The following ZFHX4 variants were observed in gnomAD, a reference collection of about 807,000 sequenced individuals.
ZFHX4 encodes the protein zinc finger homeobox protein 4.
In ZFHX4, 56 loss-of-function variants were observed where a neutral mutation model predicts 267.6. That is an observed-to-expected ratio of 0.21 (90% CI 0.17 to 0.26). The LOEUF is 0.26. Among genes scored for constraint, ZFHX4 ranks in the 10% least tolerant of loss-of-function variants. The probability of loss-of-function intolerance (pLI) is 1.00; values close to 1 mark genes in which losing one functional copy is unlikely to be tolerated. For synonymous variants in ZFHX4, 1,778 were observed against 1,665.6 expected (o/e 1.07, Z -1.64); for missense variants, 4,332 against 4,420.0 (o/e 0.98, Z 0.56).
At chr8:76,754,694 TG>T (rs1809717771) in intron 3 of ZFHX4, among the ~76,000 whole-genome samples, 1 of 152,212 alleles carries the variant, frequency 6.6e-6, no homozygotes, top group Non-Finnish European at 1.5e-5. Context: ...CATTTATTTG[TG>T]TTGAGAACGT....
chr8:76,795,577 G>T (rs939657920), intron 4 of ZFHX4, among the ~76,000 whole-genome samples: 2 of 129,400 alleles, frequency 1.5e-5, no homozygotes, highest in Non-Finnish European at 3.1e-5. Context: ...ACGGAGTTTC[G>T]CTCTTATTGC....
chr8:76,866,324 C>CAA lies in ZFHX4; in HGVS notation c.*1761_*1762dup, dbSNP rs1419001718. 1 of 152,460 alleles carries CAA rather than the reference C, an allele frequency of 6.6e-6. No homozygotes were observed. The highest frequency in any genetic ancestry group is 2.4e-5 in the African/African-American group (1 of 41,452). 9.4% of individuals were successfully genotyped at this position (152,460 alleles called of 1,614,324 possible). A position where few individuals can be genotyped will look rare whatever the true frequency, so the allele number is the denominator to read the frequency against. On this transcript the variant is annotated 3_prime_UTR_variant, in exon 11 of 11. Coordinates refer to ENST00000651372, the MANE Select transcript of ZFHX4 (RefSeq NM_024721.5). ...TGACAGTTTAACTCAAGTCATGCTT[C>CAA]AAACTGTTTTAATGATCAAATCAAG...
rs60592064 is a variant in ZFHX4, at chr8:76,780,057, T to TAA, written c.3325+1628_3325+1629dup. 7.2e-3 allele frequency among the ~76,000 whole-genome samples: 1,066 copies of TAA among 147,608 alleles called. 14 individuals carry two copies. Among genetic ancestry groups the TAA allele is most frequent in the African/African-American group, 0.025 (997 of 40,582 alleles). The stretch of plus-strand genomic sequence containing the variant: ...ATCCACCAAGGATAAAAAGTAAAAT[T>TAA]AAAAAAAAAAACACAAAAGCATGGT... On this transcript the variant is annotated intron_variant, in intron 4 of 10. Coordinates refer to ENST00000651372, the MANE Select transcript of ZFHX4 (RefSeq NM_024721.5).
intron 4 of ZFHX4, among the ~76,000 whole-genome samples, chr8:76,823,077 C>T (rs1295747218): frequency 6.6e-6 from 1 of 151,290 alleles, no homozygotes; most frequent in African/African-American, 2.4e-5. Context: ...CCTTTCTCTA[C>T]AATTTCTTCC....
intron 1 of ZFHX4, among the ~76,000 whole-genome samples, chr8:76,692,841 A>G (rs1807858448): frequency 6.6e-6 from 1 of 152,110 alleles, no homozygotes; most frequent in South Asian, 2.1e-4. Context: ...TTTAATATTT[A>G]TATATGTTTG....
Position 76,856,002 on chromosome 8 carries a change from C to T in ZFHX4, c.9081C>T (p.Phe3027=), listed in dbSNP as rs747567593. 5.1e-5 allele frequency: 83 copies of T among 1,613,980 alleles called. No individual in the cohort carries two copies. The Middle Eastern group carries it at 1.5e-3, about 29-fold the overall frequency. The change falls in exon 10 of 11, where the codon TTC becomes TTT. Residue 3027 remains phenylalanine, a synonymous_variant. Transcript: ENST00000651372. The part of the protein sequence containing the change: ...SARLSIRDHI[F]SKQHISKVRE... ...GCTTGTCCATCAGAGATCACATTTT[C>T]TCCAAACAGCACATTTCAAAAGTGA...
At chr8:76,838,537 G>A (rs774904578) in intron 5 of ZFHX4, among the ~76,000 whole-genome samples, 2 of 152,264 alleles carry the variant, frequency 1.3e-5, no homozygotes, top group South Asian at 4.2e-4. Context: ...GGATAGATTT[G>A]AGTGGGGCAT....
Position 76,856,267 on chromosome 8 carries a change from T to A in ZFHX4, c.9346T>A (p.Ser3116Thr), listed in dbSNP as rs1402599033. 1.5e-5 allele frequency: 25 copies of A among 1,613,792 alleles called. No homozygotes were observed. Among genetic ancestry groups the A allele is most frequent in the Non-Finnish European group, 2.1e-5 (25 of 1,179,868 alleles). The change falls in exon 10 of 11, where the codon TCC (serine) becomes ACC (threonine). Residue 3116 changes from serine to threonine, a missense_variant. By Grantham distance (58) the Ser-to-Thr change is moderately conservative (BLOSUM62 1). Coordinates refer to ENST00000651372, the MANE Select transcript of ZFHX4 (RefSeq NM_024721.5). ...CCTTCTCCCCGGAATGAACGGTCCA[T>A]CCTCCTTGCCGGGATTTCCACAAAA... ...PVLLPGMNGP[S>T]SLPGFPQNSN...
chr8:76,762,594 C>T (rs894409278), intron 3 of ZFHX4, among the ~76,000 whole-genome samples: 1 of 152,102 alleles, frequency 6.6e-6, no homozygotes, highest in East Asian at 1.9e-4. Context: ...CTAAAGTGTG[C>T]TACCCCAAAT....
chr8:76,798,922 C>T lies in ZFHX4; in HGVS notation c.3325+20483C>T, dbSNP rs76066655. On this transcript the variant is annotated intron_variant, in intron 4 of 10. Coordinates refer to ENST00000651372, the MANE Select transcript of ZFHX4 (RefSeq NM_024721.5). ...AGAGCAAATGCATTTGCATCATCCA[C>T]TCCTTTCTATCCTTTTGCCTGCAGA... Among the ~76,000 whole-genome samples the T allele has an allele frequency of 4.7e-3, 723 of 152,264 alleles. 8 individuals are homozygous for T. Among genetic ancestry groups the T allele is most frequent in the African/African-American group, 0.015 (608 of 41,552 alleles).
Position 76,853,130 on chromosome 8 carries a change from C to A in ZFHX4, c.6209C>A (p.Pro2070Gln), listed in dbSNP as rs534760071. 6.7e-7 allele frequency: 1 copy of A among 1,497,794 alleles called. No individual in the cohort carries two copies. The highest frequency in any genetic ancestry group is 8.9e-7 in the Non-Finnish European group (1 of 1,118,954). 92.8% of individuals were successfully genotyped at this position (1,497,794 alleles called of 1,614,324 possible). Residue 2070 changes from proline (P) to glutamine (Q), a missense_variant, in exon 10 of 11, where the codon CCG (proline) becomes CAG (glutamine). Around this residue, in one of 7 missense-constraint regions of ZFHX4, gnomAD observed 1,371 missense variants for 1,423.1 expected, o/e 0.96. Transcript: ENST00000651372. ...PPSAPPQVQL[P>Q]VSLDLPLFPS... ...TCTGCTCCTCCACAGGTCCAACTGC[C>A]GGTTTCTCTGGACCTGCCGCTCTTT...
chr8:76,696,082 T>G (rs1204031794), intron 1 of ZFHX4, among the ~76,000 whole-genome samples: 1 of 152,198 alleles, frequency 6.6e-6, no homozygotes, highest in African/African-American at 2.4e-5. Flanking sequence ...TAAATAAACC[T>G]GCAAACCTCA....
chr8:76,853,272 C>G lies in ZFHX4; in HGVS notation c.6351C>G (p.Leu2117=), dbSNP rs373475610. The change falls in exon 10 of 11, where the codon CTC becomes CTG. Residue 2117 remains leucine, a synonymous_variant. Coordinates refer to ENST00000651372, the MANE Select transcript of ZFHX4 (RefSeq NM_024721.5). ...TCACCCAACTTTGCCAGCAGCAGCT[C>G]GGATTAGATCCCAACTTCTTAAGAC... ...ADLTQLCQQQ[L]GLDPNFLRHS... 1.9e-6 allele frequency: 3 copies of G among 1,599,868 alleles called. No homozygotes were observed. Among genetic ancestry groups the G allele is most frequent in the South Asian group, 1.1e-5 (1 of 89,056 alleles).
At chr8:76,710,523 T>A (rs1808396177) in intron 3 of ZFHX4, among the ~76,000 whole-genome samples, 1 of 152,206 alleles carries the variant, frequency 6.6e-6, no homozygotes, top group African/African-American at 2.4e-5. Flanking sequence ...ATATTAAAAT[T>A]AGACTTAAAA....
chr8:76,704,022 C>G (rs780393177), intron 1 of ZFHX4, 21 bp from the exon 2 acceptor site: 2 of 1,464,862 alleles, frequency 1.4e-6, no homozygotes, highest in Admixed American at 5.1e-5. Context: ...AATGGCTTCT[C>G]TCACCTTATT....
In ZFHX4 at chr8:76,707,643, C is replaced by A; in HGVS notation, c.2688C>A (p.Ile896=). Residue 896 remains isoleucine (I), a synonymous_variant, in exon 3 of 11, where the codon ATC becomes ATA. Coordinates refer to ENST00000651372, the MANE Select transcript of ZFHX4 (RefSeq NM_024721.5). ...LLTAGELSPY[I]SDPALKLFQC... ...CTGCAGGAGAGCTGTCACCTTATATCAGTGACCCAGCGCTGAAGCTATTCC... is the reference window on the plus strand; with the variant it reads ...CTGCAGGAGAGCTGTCACCTTATATAAGTGACCCAGCGCTGAAGCTATTCC... The A allele has an allele frequency of 6.2e-7, 1 of 1,613,858 alleles. No homozygotes were observed. The highest frequency in any genetic ancestry group is 1.6e-4 in the Middle Eastern group (1 of 6,062).
chr8:76,800,063 TGTGA>T (rs989335108), intron 4 of ZFHX4, among the ~76,000 whole-genome samples: 3 of 151,926 alleles, frequency 2.0e-5, no homozygotes, highest in African/African-American at 4.8e-5. Context: ...AGAGCGTGTG[TGTGA>T]GTGTGTGTGT....
chr8:76,849,201 A>G, intron 7 of ZFHX4, 73 bp downstream of exon 7: 3 of 1,448,986 alleles, frequency 2.1e-6, no homozygotes, highest in East Asian at 2.5e-5. Context: ...AAAGCCCCAA[A>G]TGATTCCATG....
chr8:76,729,206 T>A (rs991810041), intron 3 of ZFHX4, among the ~76,000 whole-genome samples: 1 of 152,102 alleles, frequency 6.6e-6, no homozygotes, highest in Non-Finnish European at 1.5e-5. Context: ...ACCCTATAGA[T>A]CTACTACCAT....
Sources: gnomAD v4.1 joint callset for allele counts (sites outside exome capture counted in the v4.1 genomes callset) on GRCh38, gnomAD v4.1.1 for gene constraint, gnomAD v4.1.1 regional missense constraint, MANE v1.5 for transcripts, NCBI Gene and HGNC (gene_info 2026-07-23, HGNC 2026-07-21) for gene names.